The following MTSS1 variants were observed in gnomAD, a reference collection of about 807,000 sequenced individuals.
MTSS1 encodes the protein MTSS I-BAR domain containing 1, also known as protein MTSS 1.
Under a neutral mutation model 79.0 loss-of-function variants are expected in MTSS1, and 18 were observed. The observed-to-expected ratio is 0.23, with a 90% CI of 0.16 to 0.34. MTSS1 has a LOEUF of 0.34. Among genes scored for constraint, MTSS1 ranks in the 10% least tolerant of loss-of-function variants. MTSS1 has a pLI of 1.00. For missense variants in MTSS1, 815 were observed against 986.2 expected, an observed-to-expected ratio of 0.83 and a Z score of 2.33; for synonymous variants, 341 against 368.6, an observed-to-expected ratio of 0.93 and a Z score of 0.86.
At position 124,555,854 on chromosome 8, in the gene MTSS1, C is replaced by T. The variant is rs758006497; in HGVS notation, c.1455G>A (p.Arg485=). 37 of 1,612,564 alleles carry T rather than the reference C, an allele frequency of 2.3e-5. 2 individuals are homozygous for T. The South Asian group carries it at 3.7e-4, about 16-fold the overall frequency. ...ACEELALALS[R]GLQLDTQRSS... is the part of the protein sequence containing the mutation. ...TCCTCTGGGTGTCCAGCTGCAGGCC[C>T]CGAGACAGGGCCAGGGCCAGCTCCT... is the stretch of plus-strand genomic sequence containing the variant. The change falls in exon 13 of 14, where the codon CGG becomes CGA. Residue 485 remains arginine, a synonymous_variant. Transcript: ENST00000518547.
intron 1 of MTSS1, among the ~76,000 whole-genome samples, chr8:124,711,545 C>A (rs1413801539): frequency 6.6e-6 from 1 of 152,146 alleles, no homozygotes; most frequent in Non-Finnish European, 1.5e-5. Flanking sequence ...GTGGCTTAGA[C>A]AGCAGGTTGG....
intron 1 of MTSS1, among the ~76,000 whole-genome samples, chr8:124,717,646 A>T (rs1166775970): frequency 6.6e-6 from 1 of 152,222 alleles, no homozygotes; most frequent in East Asian, 1.9e-4. Flanking sequence ...GTGAGCTGAG[A>T]TCGCGCCACT....
intron 3 of MTSS1, among the ~76,000 whole-genome samples, chr8:124,647,818 G>T (rs1159348619): frequency 1.3e-5 from 2 of 152,182 alleles, no homozygotes; most frequent in African/African-American, 4.8e-5. Context: ...TAAGTCATGT[G>T]CATTAAAATC....
chr8:124,673,052 G>C (rs532303766), intron 3 of MTSS1: 1 of 152,296 alleles, frequency 6.6e-6, no homozygotes, highest in East Asian at 1.9e-4. Context: ...GCTTGCAAAT[G>C]AAGTTTCTGG....
At chr8:124,598,354 T>C (rs1478790560) in intron 3 of MTSS1, among the ~76,000 whole-genome samples, 4 of 152,186 alleles carry the variant, frequency 2.6e-5, no homozygotes, top group African/African-American at 9.7e-5. Flanking sequence ...GTAGGATGTT[T>C]TGCAGCCTCC....
chr8:124,704,939 C>T (rs1830184558), intron 1 of MTSS1, among the ~76,000 whole-genome samples: 2 of 152,178 alleles, frequency 1.3e-5, no homozygotes, highest in African/African-American at 4.8e-5. Context: ...TGACTGCATC[C>T]CAGAGACACT....
At chr8:124,668,422 T>C (rs1052636757) in intron 3 of MTSS1, among the ~76,000 whole-genome samples, 13 of 152,138 alleles carry the variant, frequency 8.5e-5, no homozygotes, top group Non-Finnish European at 1.5e-4. Flanking sequence ...CAGGAATTCA[T>C]CCTGTCCTAG....
chr8:124,649,381 A>T (rs1225871889), intron 3 of MTSS1, among the ~76,000 whole-genome samples: 1 of 152,158 alleles, frequency 6.6e-6, no homozygotes, highest in African/African-American at 2.4e-5. Flanking sequence ...CCCTTCCCTG[A>T]ACAAACCCCC....
intron 3 of MTSS1, among the ~76,000 whole-genome samples, chr8:124,679,090 G>A (rs574297632): frequency 3.3e-5 from 5 of 152,292 alleles, no homozygotes; most frequent in East Asian, 3.9e-4. Context: ...GCTAATTTAC[G>A]GTTTGGCCAA....
chr8:124,566,294 G>GGAC (rs1359713068), intron 8 of MTSS1: 4 of 153,684 alleles, frequency 2.6e-5, no homozygotes, highest in African/African-American at 9.7e-5. Flanking sequence ...AGGACCACAT[G>GGAC]AGTATAAGGT....
intron 1 of MTSS1, among the ~76,000 whole-genome samples, chr8:124,720,178 G>T (rs1832700617): frequency 6.6e-6 from 1 of 152,226 alleles, no homozygotes; most frequent in Non-Finnish European, 1.5e-5. Flanking sequence ...GACAGGACAG[G>T]ACAAACAACA....
At chr8:124,616,357 C>T (rs1836851287) in intron 3 of MTSS1, among the ~76,000 whole-genome samples, 1 of 132,420 alleles carries the variant, frequency 7.6e-6, no homozygotes, top group Non-Finnish European at 1.5e-5. Context: ...GTTAAGTGTG[C>T]CTGTTTCAGG....
intron 3 of MTSS1, among the ~76,000 whole-genome samples, chr8:124,646,643 C>T (rs190401671): frequency 1.1e-4 from 16 of 152,228 alleles, no homozygotes; most frequent in African/African-American, 3.1e-4. Context: ...CTTTAAAAGA[C>T]AAAATGCCCG....
chr8:124,556,006 G>A (rs752545199), intron 12 of MTSS1, 102 bp from the exon 13 acceptor site: 1 of 1,552,796 alleles, frequency 6.4e-7, no homozygotes, highest in East Asian at 2.4e-5. Context: ...GGGGCCAGGG[G>A]GCTATTGACT....
chr8:124,658,225 G>A (rs1247445943), intron 3 of MTSS1, among the ~76,000 whole-genome samples: 1 of 152,168 alleles, frequency 6.6e-6, no homozygotes, highest in Non-Finnish European at 1.5e-5. Flanking sequence ...ATTGTGGGAA[G>A]GACCAGGTGG....
intron 3 of MTSS1, among the ~76,000 whole-genome samples, chr8:124,654,700 C>T (rs1820613889): frequency 6.6e-6 from 1 of 152,130 alleles, no homozygotes; most frequent in Admixed American, 6.5e-5. Context: ...GTCTCAACCA[C>T]GTTACCAACA....
At chr8:124,661,796 T>C (rs978135659) in intron 3 of MTSS1, among the ~76,000 whole-genome samples, 1 of 152,222 alleles carries the variant, frequency 6.6e-6, no homozygotes, top group African/African-American at 2.4e-5. Flanking sequence ...GACAGCCTGT[T>C]CACAGTTTGC....
At position 124,591,194 on chromosome 8, in the gene MTSS1, T is replaced by C. The variant is rs146762165; in HGVS notation, c.250A>G (p.Met84Val). The change falls in exon 4 of 14, where the codon ATG (methionine) becomes GTG (valine). Residue 84 changes from methionine to valine, a missense_variant. Met to Val is a conservative substitution (Grantham distance 21). Coordinates refer to ENST00000518547, the MANE Select transcript of MTSS1 (RefSeq NM_014751.6). ...TTGGCTTCAATGCTTCTGTGCCTCA[T>C]GCACATCCTGGTGAGAGCAGATCCA... Reference protein sequence around the residue: ...EIGSALTRMCMRHRSIEAKLR... With the variant: ...EIGSALTRMCVRHRSIEAKLR... The C allele has an allele frequency of 6.7e-5, 108 of 1,614,116 alleles. No homozygotes were observed.
chr8:124,570,595 G>T (rs534546610), intron 6 of MTSS1, among the ~76,000 whole-genome samples: 1 of 152,142 alleles, frequency 6.6e-6, no homozygotes, highest in Non-Finnish European at 1.5e-5. Flanking sequence ...TGTAAGGTTC[G>T]GGTACTATCT....
Sources: allele counts gnomAD v4.1 joint callset (sites outside exome capture counted in the v4.1 genomes callset), GRCh38; gene constraint gnomAD v4.1.1; transcripts MANE v1.5; gene names NCBI Gene and HGNC (gene_info 2026-07-23, HGNC 2026-07-21).